Variants in CAPS2 observed in about 807,000 individuals in gnomAD.
CAPS2 encodes the protein calcyphosin-2.
CAPS2 carries 98 observed loss-of-function variants against 86.5 expected under a neutral mutation model. That is an observed-to-expected ratio of 1.13 (90% CI 0.96 to 1.34). The LOEUF (loss-of-function observed/expected upper bound fraction) is 1.34, where lower values mean the gene tolerates loss of function less well. Ranked by LOEUF, CAPS2 falls within the 40% of genes most tolerant of loss-of-function variation. CAPS2 has a pLI of 0.00. For missense variants in CAPS2, 729 were observed against 686.8 expected, an observed-to-expected ratio of 1.06 and a Z score of -0.69; for synonymous variants, 210 against 225.1, an observed-to-expected ratio of 0.93 and a Z score of 0.60.
rs777930739 is a variant in CAPS2 at position 75,298,728 on chromosome 12, G to A, written c.1003C>T (p.Arg335Ter). The change falls in exon 11 of 17, where the codon CGA (arginine) becomes TGA (stop). Residue 335 changes from arginine (R) to a stop codon, truncating the protein, a stop_gained. Transcript: ENST00000393284. LOFTEE classifies it high-confidence loss of function. The stretch of plus-strand genomic sequence containing the variant: ...AGTCGGTATTGTTTTCCTTTTCTTC[G>A]TCCACACTGATGACTATAAATGCTT... 2.1e-5 allele frequency: 34 copies of A among 1,613,598 alleles called. No homozygotes were observed. The highest frequency in any genetic ancestry group is 1.6e-4 in the Middle Eastern group (1 of 6,084).
upstream of CAPS2, chr12:75,326,540 T>C (rs1053486869): frequency 1.6e-5 from 19 of 1,165,240 alleles, no homozygotes; most frequent in African/African-American, 2.1e-4. Context: ...TTGAAAAAGG[T>C]AGAGTAAATG....
chr12:75,293,403 A>G (rs750806405), intron 11 of CAPS2, 36 bp from the exon 12 acceptor site: 2 of 1,311,752 alleles, frequency 1.5e-6, no homozygotes, highest in African/African-American at 1.5e-5. Flanking sequence ...GCTAGAAAGC[A>G]TGTAAGAAAT....
intron 1 of CAPS2, chr12:75,366,889 CCTGTAGGGCCA>C (rs1045539749): frequency 2.9e-6 from 2 of 701,384 alleles, no homozygotes; most frequent in African/African-American, 1.8e-5. Context: ...TTGAGGGTTC[CCTGTAGGGCCA>C]CTGCATGTCA....
intron 1 of CAPS2, among the ~76,000 whole-genome samples, chr12:75,383,087 C>T (rs762232898): frequency 4.1e-4 from 63 of 152,254 alleles, no homozygotes; most frequent in Middle Eastern, 3.4e-3. Context: ...TGATTTAATA[C>T]GTATTTCATG....
chr12:75,359,205 T>C (rs1163088269), intron 1 of CAPS2, among the ~76,000 whole-genome samples: 2 of 150,742 alleles, frequency 1.3e-5, no homozygotes, highest in Non-Finnish European at 3.0e-5. Flanking sequence ...TATAATAGCA[T>C]CAAAAAATAT....
intron 1 of CAPS2, chr12:75,366,737 G>C: frequency 1.6e-6 from 1 of 613,700 alleles, no homozygotes; most frequent in Non-Finnish European, 2.9e-6. Context: ...TGAGACTGCA[G>C]TGTTTTACCA....
intron 1 of CAPS2, chr12:75,363,204 T>A: frequency 8.2e-7 from 1 of 1,212,960 alleles, no homozygotes; most frequent in Non-Finnish European, 1.1e-6. Flanking sequence ...AGCAAAAATA[T>A]ATATATATAA....
intron 1 of CAPS2, among the ~76,000 whole-genome samples, chr12:75,352,865 G>C (rs959743836): frequency 6.6e-6 from 1 of 152,138 alleles, no homozygotes; most frequent in African/African-American, 2.4e-5. Flanking sequence ...ACAACTACAT[G>C]GAAATTGAGC....
At chr12:75,291,597 A>G (rs2035962158) in intron 13 of CAPS2, 147 bp downstream of exon 13, 1 of 63,944 alleles carries the variant, frequency 1.6e-5, no homozygotes, top group African/African-American at 4.0e-5. Flanking sequence ...ATATATATAT[A>G]TATATATATA....
intron 1 of CAPS2, among the ~76,000 whole-genome samples, chr12:75,375,507 G>A (rs1407036297): frequency 1.3e-5 from 2 of 152,166 alleles, no homozygotes; most frequent in Non-Finnish European, 2.9e-5. Flanking sequence ...GTAGTATAGT[G>A]GGGTCCTTCT....
At chr12:75,277,646 T>A in exon 17 of CAPS2, 1 of 984,696 alleles carries the variant, frequency 1.0e-6, no homozygotes, top group Non-Finnish European at 1.2e-6. Context: ...AACTTTGAAT[T>A]TGTTGGGTTC....
chr12:75,316,113 T>C lies in CAPS2; in HGVS notation c.591+199A>G, dbSNP rs564295876. On this transcript the variant is annotated intron_variant, in intron 6 of 16. Transcript: ENST00000393284. ...CTAAATTTTTCAAACACCTAAAGAT[T>C]CCAGACAATTTTTTTACAGAATATA... is the stretch of plus-strand genomic sequence containing the variant. 3.4e-4 allele frequency among the ~76,000 whole-genome samples: 52 copies of C among 152,152 alleles called. 1 individual carries two copies. Among genetic ancestry groups the C allele is most frequent in the Non-Finnish European group, 6.3e-4 (43 of 67,990 alleles).
chr12:75,365,542 T>C (rs988994836), intron 1 of CAPS2, among the ~76,000 whole-genome samples: 1 of 152,144 alleles, frequency 6.6e-6, no homozygotes, highest in African/African-American at 2.4e-5. Context: ...TCAATAAGAA[T>C]ACATTTTTAA....
chr12:75,287,586 A>G (rs1345033603), intron 14 of CAPS2, among the ~76,000 whole-genome samples: 2 of 152,166 alleles, frequency 1.3e-5, no homozygotes, highest in Non-Finnish European at 2.9e-5. Flanking sequence ...AGCCAAGAGG[A>G]CAGGGTTCAG....
intron 1 of CAPS2, chr12:75,364,750 G>C (rs1342159394): frequency 2.6e-5 from 4 of 152,174 alleles, no homozygotes; most frequent in Admixed American, 6.5e-5. Flanking sequence ...GGAATTTAGA[G>C]CTTTTTGTTG....
chr12:75,364,554 C>T (rs1272218375), intron 1 of CAPS2, among the ~76,000 whole-genome samples: 1 of 152,168 alleles, frequency 6.6e-6, no homozygotes, highest in African/African-American at 2.4e-5. Context: ...CATAGACAGG[C>T]ATTCATTAAC....
At chr12:75,328,514 C>G (rs1465347928), upstream of CAPS2, among the ~76,000 whole-genome samples, 1 of 152,134 alleles carries the variant, frequency 6.6e-6, no homozygotes, top group Non-Finnish European at 1.5e-5. Flanking sequence ...ACAGTCAAGA[C>G]CAAGAAGGTT....
At chr12:75,282,512 G>A (rs1490974604) in intron 15 of CAPS2, among the ~76,000 whole-genome samples, 165 bp from the exon 16 acceptor site, 4 of 151,924 alleles carry the variant, frequency 2.6e-5, no homozygotes, top group East Asian at 1.9e-4. Context: ...TCAGCCTACC[G>A]AGTAGCTGGG....
downstream of CAPS2, chr12:75,277,209 C>CT: frequency 1.2e-6 from 1 of 839,128 alleles, no homozygotes; most frequent in Non-Finnish European, 1.3e-6. Context: ...AAGTAGCTTC[C>CT]CTTTTTTTTT....
Sources: allele counts gnomAD v4.1 joint callset (sites outside exome capture counted in the v4.1 genomes callset), GRCh38; gene constraint gnomAD v4.1.1; transcripts MANE v1.5; gene names NCBI Gene and HGNC (gene_info 2026-07-23, HGNC 2026-07-21).